Variants in LRBA observed in about 807,000 individuals in gnomAD.
LRBA encodes the protein LPS responsive beige-like anchor protein.
LRBA carries 176 observed loss-of-function variants against 330.0 expected under a neutral mutation model. The observed-to-expected ratio is 0.53, with a 90% confidence interval of 0.47 to 0.60. LRBA has a LOEUF of 0.60. Among genes scored for constraint, LRBA ranks in the 20% least tolerant of loss-of-function variants. The pLI, the probability that LRBA is intolerant of heterozygous loss-of-function variation, is 0.00. For missense variants in LRBA, 3,259 were observed against 3,444.8 expected, an observed-to-expected ratio of 0.95 and a Z score of 1.35; for synonymous variants, 1,230 against 1,193.0, an observed-to-expected ratio of 1.03 and a Z score of -0.64.
At chr4:150,423,963 G>C (rs1749190133) in intron 46 of LRBA, among the ~76,000 whole-genome samples, 1 of 152,142 alleles carries the variant, frequency 6.6e-6, no homozygotes, top group Non-Finnish European at 1.5e-5. Flanking sequence ...ACTAAAAGTT[G>C]GGGTGGCCAG....
intron 35 of LRBA, among the ~76,000 whole-genome samples, chr4:150,748,881 G>T (rs1733131649): frequency 6.6e-6 from 1 of 152,026 alleles, no homozygotes; most frequent in Non-Finnish European, 1.5e-5. Context: ...AGCCTCTTCT[G>T]CCCTTTCGGC....
intron 34 of LRBA, among the ~76,000 whole-genome samples, chr4:150,769,006 C>T (rs965279717): frequency 1.4e-5 from 2 of 138,990 alleles, no homozygotes; most frequent in Admixed American, 1.5e-4. Context: ...GGCGCAATCT[C>T]GGCTCACTGC....
At chr4:150,797,781 T>C (rs745618061) in intron 34 of LRBA, among the ~76,000 whole-genome samples, 1 of 152,096 alleles carries the variant, frequency 6.6e-6, no homozygotes, top group Non-Finnish European at 1.5e-5. Context: ...TAGAAATAAA[T>C]CTGTTTTTAT....
At chr4:150,860,348 G>C (rs1751739857) in intron 22 of LRBA, among the ~76,000 whole-genome samples, 2 of 152,072 alleles carry the variant, frequency 1.3e-5, no homozygotes, top group Admixed American at 1.3e-4. Context: ...AAAGTGGTAG[G>C]TCTAGTTTTA....
chr4:150,709,249 T>G (rs1785945657), intron 36 of LRBA, among the ~76,000 whole-genome samples: 1 of 151,874 alleles, frequency 6.6e-6, no homozygotes, highest in Non-Finnish European at 1.5e-5. Context: ...TAACACACTG[T>G]TTCAAAATTA....
chr4:150,600,493 T>G (rs888455016), intron 37 of LRBA, among the ~76,000 whole-genome samples: 1 of 152,110 alleles, frequency 6.6e-6, no homozygotes, highest in African/African-American at 2.4e-5. Context: ...CAGTACGTTA[T>G]TTAAAGAAAA....
intron 47 of LRBA, among the ~76,000 whole-genome samples, chr4:150,365,825 A>G (rs542937328): frequency 3.7e-4 from 55 of 149,210 alleles, no homozygotes; most frequent in African/African-American, 1.2e-3. Context: ...GATTTCATGT[A>G]TTTTAATTTC....
At chr4:150,882,371 C>T (rs1021373088) in intron 17 of LRBA, among the ~76,000 whole-genome samples, 4 of 151,740 alleles carry the variant, frequency 2.6e-5, no homozygotes, top group Non-Finnish European at 4.4e-5. Context: ...ATTTAATGCA[C>T]AAAAAAATAC....
intron 36 of LRBA, among the ~76,000 whole-genome samples, chr4:150,707,391 A>T (rs1341491552): frequency 2.0e-5 from 3 of 151,708 alleles, no homozygotes. Context: ...CTATACTTTT[A>T]AAAAAGCAAA....
At chr4:150,525,124 C>A (rs1319668515) in intron 40 of LRBA, among the ~76,000 whole-genome samples, 3 of 152,018 alleles carry the variant, frequency 2.0e-5, no homozygotes, top group Non-Finnish European at 4.4e-5. Context: ...AACAGACTTA[C>A]AGACAATAAT....
intron 42 of LRBA, among the ~76,000 whole-genome samples, chr4:150,485,928 C>T (rs556556839): frequency 7.0e-4 from 106 of 151,838 alleles, no homozygotes; most frequent in African/African-American, 2.3e-3. Context: ...TTGCCAGAGG[C>T]AGAGGAGTGG....
intron 40 of LRBA, among the ~76,000 whole-genome samples, chr4:150,512,100 C>G (rs755889454): frequency 3.5e-4 from 54 of 152,340 alleles, no homozygotes; most frequent in Non-Finnish European, 6.3e-4. Context: ...TTAACAATTT[C>G]AGTTGAAACA....
chr4:150,669,415 C>G (rs925442313), intron 37 of LRBA, among the ~76,000 whole-genome samples: 5 of 152,132 alleles, frequency 3.3e-5, no homozygotes, highest in Admixed American at 3.3e-4. Context: ...ATAACTAATA[C>G]AGAATCCCAA....
intron 37 of LRBA, among the ~76,000 whole-genome samples, chr4:150,679,919 T>C (rs2126900538): frequency 6.6e-6 from 1 of 152,290 alleles, no homozygotes. Flanking sequence ...TAGAATGCAA[T>C]GAAGGACGAT....
chr4:150,547,461 G>A (rs76826473), intron 40 of LRBA, among the ~76,000 whole-genome samples: 3,035 of 152,200 alleles, frequency 0.02, 41 homozygotes, highest in Middle Eastern at 0.061. Flanking sequence ...TATTGTTCCC[G>A]TTATTCTTAA....
chr4:150,500,170 T>C (rs189680750), intron 40 of LRBA, among the ~76,000 whole-genome samples: 2 of 152,176 alleles, frequency 1.3e-5, no homozygotes, highest in Admixed American at 1.3e-4. Flanking sequence ...CCTGATCTGA[T>C]TACTATACAT....
At chr4:150,898,237 A>T (rs773735901) in intron 14 of LRBA, among the ~76,000 whole-genome samples, 1 of 152,132 alleles carries the variant, frequency 6.6e-6, no homozygotes, top group Non-Finnish European at 1.5e-5. Flanking sequence ...TGAATTCAGT[A>T]TGACAAAATT....
intron 26 of LRBA, among the ~76,000 whole-genome samples, chr4:150,845,282 A>G (rs903959401): frequency 3.9e-5 from 6 of 152,156 alleles, no homozygotes; most frequent in African/African-American, 1.4e-4. Context: ...TTACAGCATG[A>G]TATTAATTGA....
intron 36 of LRBA, among the ~76,000 whole-genome samples, chr4:150,699,382 G>A (rs918832375): frequency 1.3e-5 from 2 of 152,114 alleles, no homozygotes; most frequent in Admixed American, 6.6e-5. Context: ...AAAGAGAAAA[G>A]GAGAGGTCTA....
Sources: allele counts gnomAD v4.1 joint callset (sites outside exome capture counted in the v4.1 genomes callset), GRCh38; gene constraint gnomAD v4.1.1; transcripts MANE v1.5; gene names NCBI Gene and HGNC (gene_info 2026-07-23, HGNC 2026-07-21).